Variants in GATA5 observed in about 807,000 individuals in gnomAD.
GATA5 encodes the protein GATA binding protein 5.
In GATA5, 27 loss-of-function variants were observed where a neutral mutation model predicts 35.0. The observed-to-expected ratio is 0.77, with a 90% CI of 0.57 to 1.06. The LOEUF (loss-of-function observed/expected upper bound fraction) is 1.06. GATA5 is among the 50% of genes least tolerant of loss of function. The pLI, the probability that GATA5 is intolerant of heterozygous loss-of-function variation, is 0.00. For synonymous variants in GATA5, 306 were observed against 267.8 expected (o/e 1.14, Z -1.39); for missense variants, 612 against 580.0 (o/e 1.06, Z -0.57).
chr20:62,465,777 G>A (rs1989568987), intron 5 of GATA5, 57 bp downstream of exon 5: 4 of 1,308,966 alleles, frequency 3.1e-6, no homozygotes, highest in Non-Finnish European at 4.3e-6. Context: ...GACGGAACTG[G>A]AGGCACCGAA....
intron 3 of GATA5, among the ~76,000 whole-genome samples, chr20:62,466,952 C>T (rs1555896167): frequency 1.3e-5 from 2 of 152,232 alleles, no homozygotes; most frequent in Admixed American, 6.5e-5. Context: ...GGCCAAGACA[C>T]AACAAGCGTC....
intron 4 of GATA5, 94 bp downstream of exon 4, chr20:62,466,332 G>A (rs1038653652): frequency 1.0e-5 from 14 of 1,377,414 alleles, no homozygotes; most frequent in Admixed American, 4.6e-5. Context: ...CATCCTGCCC[G>A]CTCCTCCCCA....
intron 3 of GATA5, 122 bp from the exon 4 acceptor site, chr20:62,466,673 T>C: frequency 8.7e-7 from 1 of 1,143,210 alleles, no homozygotes; most frequent in South Asian, 1.5e-5. Context: ...GGTCGTGAGC[T>C]CTGCAATGGC....
Position 62,475,106 on chromosome 20 carries a change from G to C in GATA5, c.416C>G (p.Ser139Cys). The change falls in exon 2 of 7, where the codon TCC becomes TGC. Residue 139 changes from serine to cysteine, a missense_variant. By Grantham distance (112) the Ser-to-Cys change is moderately radical. Coordinates refer to ENST00000252997, the MANE Select transcript of GATA5 (RefSeq NM_080473.5). ...GCTCACGTAGGCCGGGTAGGTGGCG[G>C]AGTACGAGGTCCCCACCGGCCGCCC... ...PLGRPVGTSY[S>C]ATYPAYVSPD... 1 of 1,397,108 alleles carries C rather than the reference G, an allele frequency of 7.2e-7. No individual in the cohort carries two copies. Among genetic ancestry groups the C allele is most frequent in the Non-Finnish European group, 9.3e-7 (1 of 1,072,524 alleles). 86.5% of individuals were successfully genotyped at this position (1,397,108 alleles called of 1,614,324 possible).
rs73303279 is a variant in GATA5 at position 62,466,561 on chromosome 20, C to T, written c.700-10G>A. The T allele has an allele frequency of 6.6e-3, 10,257 of 1,545,650 alleles. 599 individuals are homozygous for T. The African/African-American group carries it at 0.12, about 18-fold the overall frequency. Reference sequence around the variant, plus strand: ...CGCGGCGGGACGAGGACTGTGGGGGCGAGGGAGACTGGAGTGAGCCCCGGG... The same window carrying T: ...CGCGGCGGGACGAGGACTGTGGGGGTGAGGGAGACTGGAGTGAGCCCCGGG... On this transcript the variant is annotated splice_polypyrimidine_tract_variant and intron_variant, in intron 3 of 6. Coordinates refer to ENST00000252997, the MANE Select transcript of GATA5 (RefSeq NM_080473.5).
rs1454268403 is a variant in GATA5, at chr20:62,464,089, A to C, written c.*747T>G. ...CGCTTGGATGGGTCAGGACAGGGCT[A>C]CCAGACAATTCATTCTGCCTGTCAG... On this transcript the variant is annotated 3_prime_UTR_variant, in exon 7 of 7. Transcript: ENST00000252997. 1 of 152,256 alleles carries C rather than the reference A, an allele frequency of 6.6e-6. No homozygotes were observed. Among genetic ancestry groups the C allele is most frequent in the African/African-American group, 2.4e-5 (1 of 41,454 alleles). The allele number at this position is 152,256 out of a possible 1,614,324, so 9.4% of individuals were successfully genotyped here.
chr20:62,465,314 C>T (rs782569416), intron 6 of GATA5, 26 bp downstream of exon 6: 2 of 1,573,758 alleles, frequency 1.3e-6, no homozygotes, highest in African/African-American at 1.3e-5. Flanking sequence ...CAGCTCTGGG[C>T]ACCCCACCCC....
intron 2 of GATA5, 73 bp from the exon 3 acceptor site, chr20:62,473,651 C>T: frequency 7.0e-7 from 1 of 1,432,462 alleles, no homozygotes; most frequent in Non-Finnish European, 9.4e-7. Flanking sequence ...GGGCCGGCAC[C>T]CTCCCCTCCC....
intron 3 of GATA5, among the ~76,000 whole-genome samples, chr20:62,469,693 T>C (rs782171256): frequency 6.6e-6 from 1 of 152,260 alleles, no homozygotes; most frequent in Non-Finnish European, 1.5e-5. Flanking sequence ...ACAGTGAGCA[T>C]GTTTCATGTC....
chr20:62,473,972 G>T (rs1339285671), intron 2 of GATA5, among the ~76,000 whole-genome samples: 1 of 152,028 alleles, frequency 6.6e-6, no homozygotes, highest in Non-Finnish European at 1.5e-5. Context: ...CACTGGCAGG[G>T]GAGGGATGAA....
rs1417711088 is a variant in GATA5 at position 62,466,471 on chromosome 20, C to T, written c.780G>A (p.Gly260=). The T allele has an allele frequency of 3.8e-6, 6 of 1,583,144 alleles. No individual in the cohort carries two copies. The African/African-American group carries it at 8.1e-5, about 21-fold the overall frequency. ...NTTLWRRNSE[G]EPVCNACGLY... is the part of the protein sequence containing the mutation. Reference sequence around the variant, plus strand: ...GGCCGCAGGCATTGCACACGGGCTCCCCCTCCGAGTTCCGCCGCCACAGCG... The same window carrying T: ...GGCCGCAGGCATTGCACACGGGCTCTCCCTCCGAGTTCCGCCGCCACAGCG... The change falls in exon 4 of 7, where the codon GGG becomes GGA. Residue 260 remains glycine (G), a synonymous_variant. Transcript: ENST00000252997.
chr20:62,463,963 GAGAA>G lies in GATA5; in HGVS notation c.*869_*872del, dbSNP rs1396652446. 6.7e-6 allele frequency: 1 copy of G among 149,748 alleles called. No individual in the cohort carries two copies. Among genetic ancestry groups the G allele is most frequent in the Non-Finnish European group, 1.5e-5 (1 of 67,214 alleles). 9.3% of individuals were successfully genotyped at this position (149,748 alleles called of 1,614,324 possible). On this transcript the variant is annotated 3_prime_UTR_variant, in exon 7 of 7. Transcript: ENST00000252997. ...AACCCAGTGTGGAGGGGGCTTGCAA[GAGAA>G]AGAGGGGTCACTAACAATTCTCCTG...
chr20:62,464,519 T>G lies in GATA5; in HGVS notation c.*317A>C. 8.1e-6 allele frequency: 2 copies of G among 245,776 alleles called. No homozygotes were observed. The highest frequency in any genetic ancestry group is 7.8e-6 in the Non-Finnish European group (1 of 128,570). 15.2% of individuals were successfully genotyped at this position (245,776 alleles called of 1,614,324 possible). ...GTGAGCATTGATGACGGAATTCAAG[T>G]TGGTGGTGGTGGTGCCCTGCGTTGG... is the stretch of plus-strand genomic sequence containing the variant. On this transcript the variant is annotated 3_prime_UTR_variant, in exon 7 of 7. Coordinates refer to ENST00000252997, the MANE Select transcript of GATA5 (RefSeq NM_080473.5).
intron 3 of GATA5, among the ~76,000 whole-genome samples, chr20:62,469,268 T>C (rs1331515965): frequency 6.6e-6 from 1 of 152,262 alleles, no homozygotes; most frequent in Non-Finnish European, 1.5e-5. Flanking sequence ...ATTTGGGACA[T>C]GAATGCTAAA....
intron 3 of GATA5, among the ~76,000 whole-genome samples, chr20:62,467,800 A>G (rs1245809104): frequency 1.3e-5 from 2 of 152,246 alleles, no homozygotes; most frequent in East Asian, 3.8e-4. Flanking sequence ...GGCACAAGTG[A>G]GCCAGCCACA....
intron 3 of GATA5, among the ~76,000 whole-genome samples, chr20:62,468,925 C>T (rs1555896331): frequency 6.6e-6 from 1 of 152,244 alleles, no homozygotes; most frequent in East Asian, 1.9e-4. Context: ...GGTGTCTCTC[C>T]CTGGGATGCC....
At chr20:62,473,338 G>T in intron 3 of GATA5, 65 bp downstream of exon 3, 1 of 1,526,802 alleles carries the variant, frequency 6.5e-7, no homozygotes, top group Non-Finnish European at 8.9e-7. Flanking sequence ...CACCTGGGTG[G>T]ATTGCAAGAG....
At chr20:62,465,029 CG>C in intron 6 of GATA5, 38 bp from the exon 7 acceptor site, 2 of 156,512 alleles carry the variant, frequency 1.3e-5, no homozygotes, top group Non-Finnish European at 2.5e-5. Context: ...TGGGGTGGGG[CG>C]TGGGGCGTGG....
chr20:62,473,048 G>A (rs115091644), intron 3 of GATA5, among the ~76,000 whole-genome samples: 7,621 of 152,212 alleles, frequency 0.05, 683 homozygotes, highest in African/African-American at 0.17. Context: ...CCACCGACTC[G>A]TAGGGCTGAG....
Sources: allele counts gnomAD v4.1 joint callset (sites outside exome capture counted in the v4.1 genomes callset), GRCh38; gene constraint gnomAD v4.1.1; transcripts MANE v1.5; gene names NCBI Gene and HGNC (gene_info 2026-07-23, HGNC 2026-07-21).